NREP: variants seen among roughly 807,000 people sequenced by gnomAD.
NREP encodes the protein neuronal regeneration related protein, also known as neuronal regeneration-related protein.
NREP carries 5 observed loss-of-function variants against 8.6 expected under a neutral mutation model. The ratio of observed to expected loss-of-function variants is 0.58; its 90% CI spans 0.30 to 1.22. The LOEUF is 1.22. NREP is among the 50% of genes most tolerant of loss of function. The pLI is 0.07. For synonymous variants in NREP, 27 were observed against 28.0 expected, an observed-to-expected ratio of 0.96 and a Z score of 0.11; for missense variants, 86 against 82.5, an observed-to-expected ratio of 1.04 and a Z score of -0.17.
intron 2 of NREP, among the ~76,000 whole-genome samples, chr5:111,749,705 C>G (rs954841751): frequency 6.6e-6 from 1 of 152,172 alleles, no homozygotes; most frequent in African/African-American, 2.4e-5. Context: ...AGGAGGGAAG[C>G]ATGATCTTTC....
chr5:111,763,202 AT>A, intron 2 of NREP, among the ~76,000 whole-genome samples: 1 of 152,220 alleles, frequency 6.6e-6, no homozygotes, highest in Non-Finnish European at 1.5e-5. Context: ...GTATTAGACG[AT>A]TCAGTAAGTC....
chr5:111,940,428 G>T (rs540448716), intron 2 of NREP, among the ~76,000 whole-genome samples: 1 of 152,008 alleles, frequency 6.6e-6, no homozygotes, highest in Non-Finnish European at 1.5e-5. Context: ...ACATGAAGTC[G>T]TACTGGCAAG....
chr5:111,856,909 G>A (rs75391355), intron 2 of NREP, among the ~76,000 whole-genome samples: 6,933 of 152,100 alleles, frequency 0.046, 527 homozygotes, highest in African/African-American at 0.16. Context: ...TGCAGTTGTC[G>A]TCTACTCTGT....
chr5:111,915,174 G>A (rs1755022542), intron 2 of NREP, among the ~76,000 whole-genome samples: 1 of 152,084 alleles, frequency 6.6e-6, no homozygotes, highest in Non-Finnish European at 1.5e-5. Flanking sequence ...GGAAGTGCCT[G>A]AGAGTTTGCA....
chr5:111,815,102 G>A (rs1752355766), intron 2 of NREP, among the ~76,000 whole-genome samples: 1 of 152,092 alleles, frequency 6.6e-6, no homozygotes, highest in South Asian at 2.1e-4. Context: ...AACTGTGTGG[G>A]GAAAAGTTAG....
At chr5:111,790,756 T>C (rs1751725920) in intron 2 of NREP, among the ~76,000 whole-genome samples, 2 of 120,404 alleles carry the variant, frequency 1.7e-5, no homozygotes, top group African/African-American at 3.3e-5. Context: ...AGTTATTCCA[T>C]TGCATGGGAA....
intron 2 of NREP, among the ~76,000 whole-genome samples, chr5:111,821,271 G>A (rs1038056207): frequency 3.3e-5 from 5 of 151,866 alleles, no homozygotes; most frequent in African/African-American, 1.2e-4. Flanking sequence ...GGACTATGAG[G>A]AATTATAAGA....
At chr5:111,744,467 T>C (rs1200401324) in intron 2 of NREP, among the ~76,000 whole-genome samples, 4 of 152,128 alleles carry the variant, frequency 2.6e-5, no homozygotes, top group Non-Finnish European at 5.9e-5. Context: ...TGTATCCACA[T>C]GCTATTTAAA....
chr5:111,931,606 T>C (rs1294698761), intron 2 of NREP, among the ~76,000 whole-genome samples: 1 of 152,164 alleles, frequency 6.6e-6, no homozygotes, highest in African/African-American at 2.4e-5. Context: ...TTGTAGGAAC[T>C]GTGAGATAAT....
At chr5:111,762,154 A>G (rs1750974385), upstream of NREP, among the ~76,000 whole-genome samples, 1 of 152,080 alleles carries the variant, frequency 6.6e-6, no homozygotes, top group Non-Finnish European at 1.5e-5. Context: ...GAATTGCAGG[A>G]CTCATTATGG....
chr5:111,969,997 A>G (rs938597371), intron 2 of NREP, among the ~76,000 whole-genome samples: 1 of 152,230 alleles, frequency 6.6e-6, no homozygotes, highest in African/African-American at 2.4e-5. Context: ...CATTTGGTAC[A>G]AAATCTAATA....
intron 2 of NREP, among the ~76,000 whole-genome samples, chr5:111,800,412 A>G (rs1751977410): frequency 6.6e-6 from 1 of 152,232 alleles, no homozygotes; most frequent in African/African-American, 2.4e-5. Flanking sequence ...CACTTGTGCC[A>G]TTGCACAGAA....
chr5:111,885,778 G>C (rs1754228509), intron 2 of NREP, among the ~76,000 whole-genome samples: 1 of 152,188 alleles, frequency 6.6e-6, no homozygotes, highest in Admixed American at 6.5e-5. Context: ...TATGTAGAAA[G>C]CTGAAACTGG....
intron 2 of NREP, among the ~76,000 whole-genome samples, chr5:111,962,975 G>A (rs536505490): frequency 1.6e-3 from 241 of 152,296 alleles, no homozygotes; most frequent in African/African-American, 5.1e-3. Context: ...CTTTTTGGAC[G>A]GCAGACAAGA....
chr5:111,779,329 A>G (rs551509052), intron 2 of NREP, among the ~76,000 whole-genome samples: 1 of 152,186 alleles, frequency 6.6e-6, no homozygotes, highest in Non-Finnish European at 1.5e-5. Flanking sequence ...TCTAGACGCC[A>G]GTGTGCATCC....
chr5:111,933,837 A>G (rs1396579817), intron 2 of NREP, among the ~76,000 whole-genome samples: 1 of 152,088 alleles, frequency 6.6e-6, no homozygotes, highest in Admixed American at 6.6e-5. Flanking sequence ...CTACTAACCC[A>G]GAAGCTAGGG....
chr5:111,794,091 A>G (rs948460616), intron 2 of NREP, among the ~76,000 whole-genome samples: 1 of 152,220 alleles, frequency 6.6e-6, no homozygotes, highest in Non-Finnish European at 1.5e-5. Flanking sequence ...AATTCAATAT[A>G]AAAGTTCAAT....
chr5:111,814,356 AT>A (rs1455005816), intron 2 of NREP, among the ~76,000 whole-genome samples: 2 of 152,142 alleles, frequency 1.3e-5, no homozygotes, highest in African/African-American at 4.8e-5. Context: ...TTTCTTATTC[AT>A]CTTTGTAGTA....
intron 2 of NREP, among the ~76,000 whole-genome samples, chr5:111,791,759 C>A (rs1366367933): frequency 6.6e-6 from 1 of 152,220 alleles, no homozygotes; most frequent in Non-Finnish European, 1.5e-5. Flanking sequence ...AGGCATGAGC[C>A]ATGGCACCCT....
Sources: allele counts gnomAD v4.1 joint callset (sites outside exome capture counted in the v4.1 genomes callset), GRCh38; gene constraint gnomAD v4.1.1; transcripts MANE v1.5; gene names NCBI Gene and HGNC (gene_info 2026-07-23, HGNC 2026-07-21).